The following FDFT1 variants were observed in gnomAD, a reference collection of about 807,000 sequenced individuals.
FDFT1 encodes the protein squalene synthase.
A neutral mutation model predicts 46.8 loss-of-function variants in FDFT1; 68 were observed. The observed-to-expected ratio is 1.45, with a 90% confidence interval of 1.19 to 1.78. The LOEUF (loss-of-function observed/expected upper bound fraction) is 1.78, where lower values mean the gene tolerates loss of function less well. FDFT1 is among the 40% of genes most tolerant of loss of function. The probability of loss-of-function intolerance (pLI) is 0.00; values close to 1 mark genes in which losing one functional copy is unlikely to be tolerated. For missense variants in FDFT1, 928 were observed against 524.4 expected, an observed-to-expected ratio of 1.77 and a Z score of -7.52; for synonymous variants, 351 against 185.1, an observed-to-expected ratio of 1.90 and a Z score of -7.28.
At chr8:11,829,095 C>A (rs939688682) in intron 5 of FDFT1, among the ~76,000 whole-genome samples, 1 of 152,206 alleles carries the variant, frequency 6.6e-6, no homozygotes, top group Non-Finnish European at 1.5e-5. Flanking sequence ...CAAGGTCGCT[C>A]CACCATTTTA....
At chr8:11,797,740 A>C (rs954366753), upstream of FDFT1, among the ~76,000 whole-genome samples, 5 of 152,126 alleles carry the variant, frequency 3.3e-5, no homozygotes, top group African/African-American at 1.2e-4. Flanking sequence ...TTCCTGAAGC[A>C]GATTCCACCT....
Position 11,830,241 on chromosome 8 carries a change from T to C in FDFT1, c.703-3T>C. 1 of 1,611,960 alleles carries C rather than the reference T, an allele frequency of 6.2e-7. No homozygotes were observed. The highest frequency in any genetic ancestry group is 8.5e-7 in the Non-Finnish European group (1 of 1,177,982). ...CTGTTCCTTAATCTTCTTATCTGTC[T>C]AGGTTTGGAGCAGGTATGTTAAGAA... On this transcript the variant is annotated splice_polypyrimidine_tract_variant and splice_region_variant and intron_variant, in intron 5 of 7. Transcript: ENST00000220584.
Position 11,838,496 on chromosome 8 carries a change from C to T in FDFT1, c.1141C>T (p.His381Tyr), listed in dbSNP as rs1215269689. 3.1e-6 allele frequency: 5 copies of T among 1,606,612 alleles called. No homozygotes were observed. Among genetic ancestry groups the T allele is most frequent in the African/African-American group, 1.3e-5 (1 of 74,864 alleles). The change falls in exon 8 of 8, where the codon CAC (histidine) becomes TAC (tyrosine). Residue 381 changes from histidine to tyrosine, a missense_variant. Physicochemically the swap from His to Tyr is moderately conservative, Grantham distance 83 (BLOSUM62 2). Coordinates refer to ENST00000220584, the MANE Select transcript of FDFT1 (RefSeq NM_004462.5). ...LPNCQLISRS[H>Y]YSPIYLSFVM... is the part of the protein sequence containing the mutation. Reference sequence around the variant, plus strand: ...CAACTGTCAGCTGATTTCCCGAAGCCACTACTCCCCCATCTACCTGTCGTT... The same window carrying T: ...CAACTGTCAGCTGATTTCCCGAAGCTACTACTCCCCCATCTACCTGTCGTT...
intron 1 of FDFT1, chr8:11,808,187 G>T: frequency 1.0e-6 from 1 of 976,374 alleles, no homozygotes. Context: ...TGAGTACAAA[G>T]TCCAGGCCTT....
chr8:11,808,189 C>G (rs928476143), intron 1 of FDFT1: 95 of 988,250 alleles, frequency 9.6e-5, no homozygotes, highest in Non-Finnish European at 1.1e-4. Context: ...AGTACAAAGT[C>G]CAGGCCTTAT....
At chr8:11,837,125 G>C (rs905724237) in intron 7 of FDFT1, among the ~76,000 whole-genome samples, 71 of 152,394 alleles carry the variant, frequency 4.7e-4, no homozygotes, top group African/African-American at 1.6e-3. Flanking sequence ...GGAGCCAGTT[G>C]AAGGGACGTG....
intron 3 of FDFT1, among the ~76,000 whole-genome samples, chr8:11,818,627 G>A (rs995685198): frequency 6.6e-6 from 1 of 151,816 alleles, no homozygotes; most frequent in Non-Finnish European, 1.5e-5. Flanking sequence ...GGCCTTCTTT[G>A]TCTCTTTTGA....
intron 1 of FDFT1, among the ~76,000 whole-genome samples, chr8:11,806,103 C>G (rs755685717): frequency 4.6e-5 from 7 of 152,098 alleles, no homozygotes; most frequent in Non-Finnish European, 1.0e-4. Context: ...GGTAGCTGTT[C>G]ACTTGTGGAA....
At chr8:11,809,109 G>A (rs186391861) in intron 2 of FDFT1, 15 of 1,283,990 alleles carry the variant, frequency 1.2e-5, no homozygotes, top group South Asian at 2.0e-5. Flanking sequence ...CAGAGAAGAG[G>A]GGGGAGGGGG....
chr8:11,805,437 A>ACT (rs1806710175), intron 1 of FDFT1, among the ~76,000 whole-genome samples: 1 of 152,212 alleles, frequency 6.6e-6, no homozygotes, highest in Non-Finnish European at 1.5e-5. Context: ...GGCTGTTAGT[A>ACT]ATCAGGCAGA....
At chr8:11,838,311 A>G (rs1811820075) in intron 7 of FDFT1, 77 bp from the exon 8 acceptor site, 1 of 1,092,522 alleles carries the variant, frequency 9.2e-7, no homozygotes, top group Non-Finnish European at 1.4e-6. Context: ...AATACCTGCC[A>G]GTGGAGGGTT....
rs769055412 is a variant in FDFT1, at chr8:11,830,249, G to T, written c.708G>T (p.Trp236Cys). Residue 236 changes from tryptophan (W) to cysteine (C), a missense_variant, in exon 6 of 8, where the codon TGG becomes TGT. Physicochemically the swap from Trp to Cys is radical, Grantham distance 215 (BLOSUM62 -2). Coordinates refer to ENST00000220584, the MANE Select transcript of FDFT1 (RefSeq NM_004462.5). ...TAATCTTCTTATCTGTCTAGGTTTG[G>T]AGCAGGTATGTTAAGAAGTTAGGGG... is the stretch of plus-strand genomic sequence containing the variant. The part of the protein sequence containing the change: ...GGREFWPQEV[W>C]SRYVKKLGDF... The T allele has an allele frequency of 6.2e-7, 1 of 1,613,380 alleles. No individual in the cohort carries two copies. Among genetic ancestry groups the T allele is most frequent in the South Asian group, 1.1e-5 (1 of 91,056 alleles).
At chr8:11,816,668 TTGTC>T (rs1239342183) in intron 3 of FDFT1, among the ~76,000 whole-genome samples, 1 of 152,202 alleles carries the variant, frequency 6.6e-6, no homozygotes, top group Non-Finnish European at 1.5e-5. Context: ...GGCTCCTTGT[TTGTC>T]TGTTATTGGT....
intron 5 of FDFT1, 104 bp from the exon 6 acceptor site, chr8:11,830,140 C>T: frequency 2.0e-6 from 2 of 985,992 alleles, no homozygotes; most frequent in East Asian, 2.4e-5. Flanking sequence ...GCCACGGCGC[C>T]CAGCCTGTAT....
At chr8:11,820,353 G>A (rs962354227) in intron 3 of FDFT1, among the ~76,000 whole-genome samples, 6 of 152,186 alleles carry the variant, frequency 3.9e-5, no homozygotes, top group South Asian at 2.1e-4. Flanking sequence ...TTCAAATGCC[G>A]AGCTGGGAGA....
chr8:11,821,756 C>A lies in FDFT1; in HGVS notation c.388C>A (p.Leu130Ile), dbSNP rs760947651. Residue 130 changes from leucine (L) to isoleucine (I), a missense_variant, in exon 4 of 8, where the codon CTT becomes ATT. Physicochemically the swap from Leu to Ile is conservative, Grantham distance 5. Coordinates refer to ENST00000220584, the MANE Select transcript of FDFT1 (RefSeq NM_004462.5). ...QVLEDFPTIS[L>I]EFRNLAEKYQ... ...TTTACGGTTTCCATTTCAGATCTCC[C>A]TTGAGTTTAGAAATCTGGCTGAGAA... 4.3e-6 allele frequency: 7 copies of A among 1,612,928 alleles called. No homozygotes were observed. The highest frequency in any genetic ancestry group is 5.1e-6 in the Non-Finnish European group (6 of 1,179,308).
At chr8:11,823,450 C>G (rs1022816516) in intron 4 of FDFT1, among the ~76,000 whole-genome samples, 1 of 152,092 alleles carries the variant, frequency 6.6e-6, no homozygotes, top group Non-Finnish European at 1.5e-5. Context: ...TTCTGTCTAC[C>G]TAATTTCAGC....
At chr8:11,808,518 A>C in intron 1 of FDFT1, 1 of 1,333,602 alleles carries the variant, frequency 7.5e-7, no homozygotes, top group East Asian at 3.0e-5. Flanking sequence ...CGCGATTCCC[A>C]TGGCCGCAGC....
chr8:11,824,787 G>C (rs901445421), intron 4 of FDFT1, among the ~76,000 whole-genome samples: 2 of 152,086 alleles, frequency 1.3e-5, no homozygotes, highest in African/African-American at 4.8e-5. Flanking sequence ...CCAGGCTGGA[G>C]TGCAGTGGCG....
Sources: allele counts gnomAD v4.1 joint callset (sites outside exome capture counted in the v4.1 genomes callset), GRCh38; gene constraint gnomAD v4.1.1; transcripts MANE v1.5; gene names NCBI Gene and HGNC (gene_info 2026-07-23, HGNC 2026-07-21).